RFX5: variants seen among roughly 807,000 people sequenced by gnomAD.
The protein encoded by RFX5 is regulatory factor X5, also known as DNA-binding protein RFX5.
Under a neutral mutation model 41.2 loss-of-function variants are expected in RFX5, and 30 were observed. That is an observed-to-expected ratio of 0.73 (90% CI 0.54 to 0.99). The LOEUF (loss-of-function observed/expected upper bound fraction) is 0.99, where lower values mean the gene tolerates loss of function less well. Ranked by LOEUF, RFX5 falls within the 50% of genes least tolerant of loss-of-function variation. RFX5 has a pLI of 0.00. For missense variants in RFX5, 715 were observed against 773.6 expected (o/e 0.92, Z 0.90); for synonymous variants, 231 against 291.8 (o/e 0.79, Z 2.12).
Position 151,342,906 on chromosome 1 carries a change from A to C in RFX5, c.1131T>G (p.Ala377=). Residue 377 remains alanine (A), a synonymous_variant, in exon 11 of 11, where the codon GCT becomes GCG. Transcript: ENST00000452671. ...GTAAGATCATGTTAATGATGGGCAC[A>C]GCTGCTGGGGGTGCCCCGGCCCTAC... ...LSSRAGAPPA[A]VPIINMILPT... 6.2e-7 allele frequency: 1 copy of C among 1,614,222 alleles called. No individual in the cohort carries two copies. The highest frequency in any genetic ancestry group is 2.2e-5 in the East Asian group (1 of 44,884).
chr1:151,344,392 C>G, intron 7 of RFX5, 25 bp downstream of exon 7: 1 of 1,614,190 alleles, frequency 6.2e-7, no homozygotes, highest in South Asian at 1.1e-5. Context: ...GGTCCTCCAC[C>G]CCCAACCTCT....
chr1:151,344,703 T>TTGC, intron 6 of RFX5, 25 bp downstream of exon 6: 3 of 1,515,660 alleles, frequency 2.0e-6, no homozygotes, highest in Non-Finnish European at 2.7e-6. Context: ...AATCCACTCA[T>TTGC]CCCACCACCC....
rs1394876090 is a variant in RFX5, at chr1:151,342,081, A to T, written c.*105T>A. On this transcript the variant is annotated 3_prime_UTR_variant, in exon 11 of 11. Transcript: ENST00000452671. ...CAGCTGTCTGTACAGAGGAGAATGGACTTCCTTAGGAAAAGAATAGCCAAA... is the reference window on the plus strand; with the variant it reads ...CAGCTGTCTGTACAGAGGAGAATGGTCTTCCTTAGGAAAAGAATAGCCAAA... 1 of 1,523,884 alleles carries T rather than the reference A, an allele frequency of 6.6e-7. No individual in the cohort carries two copies. Among genetic ancestry groups the T allele is most frequent in the Non-Finnish European group, 9.1e-7 (1 of 1,100,266 alleles). 94.4% of individuals were successfully genotyped at this position (1,523,884 alleles called of 1,614,324 possible). A position where few individuals can be genotyped will look rare whatever the true frequency, so the allele number is the denominator to read the frequency against.
At position 151,341,683 on chromosome 1, in the gene RFX5, A is replaced by G. The variant is rs1194912868; in HGVS notation, c.*503T>C. The G allele has an allele frequency of 4.2e-6, 1 of 239,492 alleles. No homozygotes were observed. Among genetic ancestry groups the G allele is most frequent in the African/African-American group, 2.3e-5 (1 of 43,176 alleles). 14.8% of individuals were successfully genotyped at this position (239,492 alleles called of 1,614,324 possible). Reference sequence around the variant, plus strand: ...TGTAATCTTAGGAATGCTGGCAGCCATTAAGTGGCCCAGACTTAAATGGTC... The same window carrying G: ...TGTAATCTTAGGAATGCTGGCAGCCGTTAAGTGGCCCAGACTTAAATGGTC... On this transcript the variant is annotated 3_prime_UTR_variant, in exon 11 of 11. Transcript: ENST00000452671.
intron 1 of RFX5, chr1:151,346,814 GA>G: frequency 6.3e-6 from 1 of 157,830 alleles, no homozygotes; most frequent in Non-Finnish European, 1.4e-5. Flanking sequence ...TCTAGGCTTG[GA>G]AAAAAAACTG....
Position 151,344,486 on chromosome 1 carries a change from A to C in RFX5, c.404T>G (p.Phe135Cys). 1 of 1,614,216 alleles carries C rather than the reference A, an allele frequency of 6.2e-7. No homozygotes were observed. The highest frequency in any genetic ancestry group is 8.5e-7 in the Non-Finnish European group (1 of 1,180,032). ...GAAGATCTCTCTGATGATCTTGCCA[A>C]AGTTGGCTGTGCTGAGTGGGCGGCA... ...ACCRPLSTAN[F>C]GKIIREIFPD... is the part of the protein sequence containing the mutation. Residue 135 changes from phenylalanine (F) to cysteine (C), a missense_variant, in exon 7 of 11, where the codon TTT becomes TGT. Coordinates refer to ENST00000452671, the MANE Select transcript of RFX5 (RefSeq NM_001025603.2).
Position 151,343,390 on chromosome 1 carries a change from TAAAC to T in RFX5, c.806_809del (p.Gly269GlufsTer40). 6.2e-7 allele frequency: 1 copy of T among 1,613,878 alleles called. No individual in the cohort carries two copies. Among genetic ancestry groups the T allele is most frequent in the Non-Finnish European group, 8.5e-7 (1 of 1,180,014 alleles). On this transcript the variant is annotated frameshift_variant, in exon 10 of 11. Transcript: ENST00000452671. LOFTEE classifies it high-confidence loss of function. ...TGTGGGCTCCACCCTCTGGGTTCTC[TAAAC>T]CATTCTTTGGTTTAGATGACCGTTC...
At position 151,341,548 on chromosome 1, in the gene RFX5, T is replaced by C. The variant is rs1650449678; in HGVS notation, c.*638A>G. 1 of 170,398 alleles carries C rather than the reference T, an allele frequency of 5.9e-6. No homozygotes were observed. Among genetic ancestry groups the C allele is most frequent in the South Asian group, 1.3e-4 (1 of 7,494 alleles). The allele number at this position is 170,398 out of a possible 1,614,324, so 10.6% of individuals were successfully genotyped here. On this transcript the variant is annotated 3_prime_UTR_variant, in exon 11 of 11. Coordinates refer to ENST00000452671, the MANE Select transcript of RFX5 (RefSeq NM_001025603.2). ...TCATCCTCCTGGCCACAGTGATTGG[T>C]CAGGGTGGACATGTGACCCAGGCCT...
chr1:151,344,012 C>G, intron 8 of RFX5, 130 bp from the exon 9 acceptor site: 1 of 1,142,152 alleles, frequency 8.8e-7, no homozygotes, highest in Non-Finnish European at 1.3e-6. Context: ...TCTACCTATC[C>G]CATTGCAGAA....
chr1:151,346,670 T>C, intron 1 of RFX5, 64 bp from the exon 2 acceptor site: 1 of 312,478 alleles, frequency 3.2e-6, no homozygotes, highest in East Asian at 8.3e-5. Flanking sequence ...TTTCTGCCTC[T>C]GACCCCATAC....
chr1:151,342,396 A>G lies in RFX5; in HGVS notation c.1641T>C (p.Gly547=). ...GTVSKGGRGP[G]SQHTKEAEDK... The stretch of plus-strand genomic sequence containing the variant: ...CTTCTGCTTCTTTGGTATGCTGGGA[A>G]CCGGGGCCCCTTCCTCCTTTGGAAA... The change falls in exon 11 of 11, where the codon GGT becomes GGC. Residue 547 remains glycine (G), a synonymous_variant. Coordinates refer to ENST00000452671, the MANE Select transcript of RFX5 (RefSeq NM_001025603.2). 6.2e-7 allele frequency: 1 copy of G among 1,614,136 alleles called. No individual in the cohort carries two copies. The highest frequency in any genetic ancestry group is 1.3e-5 in the African/African-American group (1 of 75,020).
intron 8 of RFX5, 43 bp downstream of exon 8, chr1:151,344,153 AC>A: frequency 6.3e-7 from 1 of 1,593,694 alleles, no homozygotes; most frequent in Non-Finnish European, 8.6e-7. Context: ...TCTGACTTTT[AC>A]CTGGGAGAGA....
intron 3 of RFX5, 74 bp from the exon 4 acceptor site, chr1:151,346,035 G>A: frequency 6.2e-7 from 1 of 1,608,682 alleles, no homozygotes; most frequent in Non-Finnish European, 8.5e-7. Context: ...GCTAGGGAGG[G>A]AAAAGGACTG....
rs1650686463 is a variant in RFX5, at chr1:151,343,376, C to T, written c.824G>A (p.Gly275Asp). Reference sequence around the variant, plus strand: ...TCTCTCTGGCTTCTTGTGGGCTCCACCCTCTGGGTTCTCTAAACCATTCTT... The same window carrying T: ...TCTCTCTGGCTTCTTGTGGGCTCCATCCTCTGGGTTCTCTAAACCATTCTT... ...KPKNGLENPE[G>D]GAHKKPERLA... Residue 275 changes from glycine (G) to aspartate (D), a missense_variant, in exon 10 of 11, where the codon GGT (glycine) becomes GAT (aspartate). Coordinates refer to ENST00000452671, the MANE Select transcript of RFX5 (RefSeq NM_001025603.2). 6.2e-7 allele frequency: 1 copy of T among 1,613,646 alleles called. No homozygotes were observed.
At position 151,344,380 on chromosome 1, in the gene RFX5, C is replaced by T; in HGVS notation, c.473+37G>A. 3 of 1,614,200 alleles carry T rather than the reference C, an allele frequency of 1.9e-6. 1 individual carries two copies. The South Asian group carries it at 3.3e-5, about 18-fold the overall frequency. ...CTCTCCACATCCTAAGTCTTCCTCC[C>T]AGGTCCTCCACCCCCAACCTCTCTA... On this transcript the variant is annotated intron_variant, in intron 7 of 10. Transcript: ENST00000452671.
In RFX5 at chr1:151,341,083, AG is replaced by A. The variant is rs1650409343; in HGVS notation, c.*1102del. On this transcript the variant is annotated 3_prime_UTR_variant, in exon 11 of 11. Coordinates refer to ENST00000452671, the MANE Select transcript of RFX5 (RefSeq NM_001025603.2). ...ACAGAATAGATTTAATGAAATGGCT[AG>A]GAAGTCTTTCACTCTAGTTGGTGGA... 1 of 152,528 alleles carries A rather than the reference AG, an allele frequency of 6.6e-6. No homozygotes were observed. Among genetic ancestry groups the A allele is most frequent in the African/African-American group, 2.4e-5 (1 of 41,446 alleles). 9.4% of individuals were successfully genotyped at this position (152,528 alleles called of 1,614,324 possible). A position where few individuals can be genotyped will look rare whatever the true frequency, so the allele number is the denominator to read the frequency against.
intron 5 of RFX5, 116 bp downstream of exon 5, chr1:151,344,990 C>G: frequency 6.5e-7 from 1 of 1,541,618 alleles, no homozygotes. Context: ...GGGCGAGGAC[C>G]TTTCCTCTTC....
chr1:151,342,099 T>G lies in RFX5; in HGVS notation c.*87A>C, dbSNP rs536676668. The G allele has an allele frequency of 3.8e-6, 6 of 1,583,406 alleles. No individual in the cohort carries two copies. The highest frequency in any genetic ancestry group is 4.5e-5 in the East Asian group (2 of 44,714). On this transcript the variant is annotated 3_prime_UTR_variant, in exon 11 of 11. Coordinates refer to ENST00000452671, the MANE Select transcript of RFX5 (RefSeq NM_001025603.2). ...AGAATGGACTTCCTTAGGAAAAGAA[T>G]AGCCAAATGAGAAGCAAGTGCAAAG...
Position 151,346,483 on chromosome 1 carries a change from A to C in RFX5, c.-14+6T>G. 1.6e-6 allele frequency: 1 copy of C among 623,324 alleles called. No individual in the cohort carries two copies. The highest frequency in any genetic ancestry group is 2.8e-6 in the Non-Finnish European group (1 of 355,940). 38.6% of individuals were successfully genotyped at this position (623,324 alleles called of 1,614,324 possible). Reference sequence around the variant, plus strand: ...TTTCCCCGGTGGTCTTTTTCTCACCACTTGCCTTCTCCGAAAATTAGAAAT... The same window carrying C: ...TTTCCCCGGTGGTCTTTTTCTCACCCCTTGCCTTCTCCGAAAATTAGAAAT... On this transcript the variant is annotated splice_donor_region_variant and intron_variant, in intron 2 of 10. Transcript: ENST00000452671.
Sources: allele counts gnomAD v4.1 joint callset, GRCh38; gene constraint gnomAD v4.1.1; transcripts MANE v1.5; gene names NCBI Gene and HGNC (gene_info 2026-07-23, HGNC 2026-07-21).